The following FANCI variants were observed in gnomAD, a reference collection of about 807,000 sequenced individuals.
The protein encoded by FANCI is Fanconi anemia group I protein.
Under a neutral mutation model 176.1 loss-of-function variants are expected in FANCI, and 156 were observed. The ratio of observed to expected loss-of-function variants is 0.89; its 90% confidence interval spans 0.78 to 1.01. The LOEUF (loss-of-function observed/expected upper bound fraction) is 1.01. Among genes scored for constraint, FANCI ranks in the 50% least tolerant of loss-of-function variants. FANCI has a pLI of 0.00. For missense variants in FANCI, 1,678 were observed against 1,534.1 expected (o/e 1.09, Z -1.57); for synonymous variants, 613 against 541.7 (o/e 1.13, Z -1.83).
chr15:89,291,669 T>C lies in FANCI; in HGVS notation c.1947T>C (p.Ala649=). The change falls in exon 20 of 38, where the codon GCT becomes GCC. Residue 649 remains alanine (A), a synonymous_variant. Coordinates refer to ENST00000310775, the MANE Select transcript of FANCI (RefSeq NM_001113378.2). Reference sequence around the variant, plus strand: ...TGCTGCCTCCTCTGAAATTAGAAGCTTGTATTCTGACCCAAGGAGATAAGA... The same window carrying C: ...TGCTGCCTCCTCTGAAATTAGAAGCCTGTATTCTGACCCAAGGAGATAAGA... ...PDLLPPLKLE[A]CILTQGDKIS... is the part of the protein sequence containing the mutation. The C allele has an allele frequency of 6.2e-7, 1 of 1,613,880 alleles. No individual in the cohort carries two copies. The highest frequency in any genetic ancestry group is 1.3e-5 in the African/African-American group (1 of 75,054).
At chr15:89,308,453 G>C (rs1014625505) in intron 34 of FANCI, among the ~76,000 whole-genome samples, 3 of 152,174 alleles carry the variant, frequency 2.0e-5, no homozygotes, top group Non-Finnish European at 2.9e-5. Flanking sequence ...GATCTTTGAG[G>C]AATCAAAGAG....
intron 2 of FANCI, among the ~76,000 whole-genome samples, chr15:89,249,899 G>C (rs1409384195): frequency 1.3e-5 from 2 of 152,092 alleles, no homozygotes; most frequent in Non-Finnish European, 2.9e-5. Flanking sequence ...ACTTTGATAA[G>C]AATATATTAT....
At chr15:89,271,931 T>C (rs553808389) in intron 10 of FANCI, among the ~76,000 whole-genome samples, 1 of 152,368 alleles carries the variant, frequency 6.6e-6, no homozygotes, top group Non-Finnish European at 1.5e-5. Flanking sequence ...TGTAAGTCTT[T>C]GTGTGGACAT....
chr15:89,280,122 A>G (rs1287803089), intron 14 of FANCI, among the ~76,000 whole-genome samples: 3 of 152,140 alleles, frequency 2.0e-5, no homozygotes, highest in Admixed American at 1.3e-4. Context: ...CCCGGGTTCA[A>G]GCAATTCTCC....
Position 89,312,913 on chromosome 15 carries a change from A to G in FANCI, c.3661A>G (p.Lys1221Glu), listed in dbSNP as rs781564579. 2 of 1,613,472 alleles carry G rather than the reference A, an allele frequency of 1.2e-6. No homozygotes were observed. The highest frequency in any genetic ancestry group is 1.7e-6 in the Non-Finnish European group (2 of 1,179,540). The change falls in exon 35 of 38, where the codon AAG becomes GAG. Residue 1221 changes from lysine to glutamate, a missense_variant. Transcript: ENST00000310775. ...SFISYVQNKS[K>E]SLNYTGEKKE... ...GTTTCTATTTCTTTAGAATAAGAGTAAGAGCCTGAACTATACGGGAGAGAA... is the reference window on the plus strand; with the variant it reads ...GTTTCTATTTCTTTAGAATAAGAGTGAGAGCCTGAACTATACGGGAGAGAA...
At chr15:89,263,858 G>T in intron 7 of FANCI, 45 bp from the exon 8 acceptor site, 1 of 1,612,620 alleles carries the variant, frequency 6.2e-7, no homozygotes, top group Non-Finnish European at 8.5e-7. Flanking sequence ...CTGAAAACAA[G>T]GCAGTTAGAC....
chr15:89,306,224 C>A, intron 32 of FANCI, 30 bp downstream of exon 32: 2 of 1,608,730 alleles, frequency 1.2e-6, no homozygotes, highest in Non-Finnish European at 1.7e-6. Flanking sequence ...AGATTCGCCC[C>A]ACCATTCTAC....
chr15:89,286,266 T>A (rs1253163203), intron 18 of FANCI, among the ~76,000 whole-genome samples: 2 of 152,244 alleles, frequency 1.3e-5, no homozygotes, highest in East Asian at 3.8e-4. Flanking sequence ...GTATTGGGAT[T>A]ACAGGCGTGA....
intron 19 of FANCI, among the ~76,000 whole-genome samples, chr15:89,291,216 T>G (rs1027454110): frequency 6.6e-6 from 1 of 152,196 alleles, no homozygotes; most frequent in African/African-American, 2.4e-5. Context: ...CAATGATTAT[T>G]AATAATATCC....
chr15:89,315,137 A>T (rs536331624), intron 36 of FANCI, 145 bp from the exon 37 acceptor site: 7 of 698,176 alleles, frequency 1.0e-5, no homozygotes, highest in South Asian at 9.1e-5. Flanking sequence ...TGATGACCTG[A>T]ACCCCAGCAT....
chr15:89,303,445 CT>C (rs2054597729), intron 27 of FANCI, among the ~76,000 whole-genome samples: 1 of 152,092 alleles, frequency 6.6e-6, no homozygotes. Flanking sequence ...CTCCTTTGTT[CT>C]TTTGGCTTCT....
intron 11 of FANCI, 66 bp downstream of exon 11, chr15:89,273,535 A>T (rs1247116823): frequency 2.4e-6 from 2 of 840,426 alleles, no homozygotes; most frequent in East Asian, 2.7e-5. Context: ...AAAAAAAAAA[A>T]TCACAGTAAT....
At chr15:89,252,228 A>C (rs1037084484) in intron 2 of FANCI, among the ~76,000 whole-genome samples, 1 of 150,630 alleles carries the variant, frequency 6.6e-6, no homozygotes, top group African/African-American at 2.4e-5. Flanking sequence ...TGAACCTGGG[A>C]GGTGGAGGTT....
At chr15:89,268,352 T>C in intron 9 of FANCI, 47 bp from the exon 10 acceptor site, 1 of 1,611,864 alleles carries the variant, frequency 6.2e-7, no homozygotes. Flanking sequence ...ATTACAGGCA[T>C]GAGCCACTGC....
intron 10 of FANCI, among the ~76,000 whole-genome samples, chr15:89,271,118 C>G (rs1273722185): frequency 6.6e-6 from 1 of 151,866 alleles, no homozygotes; most frequent in Admixed American, 6.6e-5. Flanking sequence ...TTACTAGTAT[C>G]TTTTCTAGGC....
chr15:89,252,985 ATAGT>A (rs2052328259), intron 2 of FANCI, among the ~76,000 whole-genome samples: 1 of 152,208 alleles, frequency 6.6e-6, no homozygotes, highest in Admixed American at 6.5e-5. Context: ...ACACACAGGG[ATAGT>A]TAGGGAAAAG....
intron 34 of FANCI, among the ~76,000 whole-genome samples, chr15:89,310,342 T>C (rs928415794): frequency 1.3e-5 from 2 of 152,254 alleles, no homozygotes; most frequent in African/African-American, 4.8e-5. Flanking sequence ...CAACCATTGC[T>C]CTAGAGTCAT....
At chr15:89,265,543 A>G (rs920713720) in intron 9 of FANCI, among the ~76,000 whole-genome samples, 7 of 142,780 alleles carry the variant, frequency 4.9e-5, no homozygotes, top group Admixed American at 3.6e-4. Flanking sequence ...TTTTTTTTTG[A>G]GATGGGGTCT....
At chr15:89,295,730 G>GCT (rs2054235820) in intron 24 of FANCI, among the ~76,000 whole-genome samples, 2 of 123,190 alleles carry the variant, frequency 1.6e-5, no homozygotes, top group East Asian at 2.2e-4. Context: ...CCTTCCCCTG[G>GCT]CGCCCCCCCC....
Sources: gnomAD v4.1 joint callset for allele counts (sites outside exome capture counted in the v4.1 genomes callset) on GRCh38, gnomAD v4.1.1 for gene constraint, MANE v1.5 for transcripts, NCBI Gene and HGNC (gene_info 2026-07-23, HGNC 2026-07-21) for gene names.